The following HBP1 variants were observed in gnomAD, a reference collection of about 807,000 sequenced individuals.
HBP1 encodes the protein HMG-box transcription factor 1, also known as HMG box-containing protein 1.
A neutral mutation model predicts 62.6 loss-of-function variants in HBP1; 20 were observed. The observed-to-expected ratio is 0.32, with a 90% confidence interval of 0.22 to 0.46. The LOEUF (loss-of-function observed/expected upper bound fraction) is 0.46, where lower values mean the gene tolerates loss of function less well. Ranked by LOEUF, HBP1 falls within the 20% of genes least tolerant of loss-of-function variation. The pLI is 1.00. For synonymous variants in HBP1, 232 were observed against 206.2 expected (o/e 1.12, Z -1.07); for missense variants, 480 against 611.8 (o/e 0.78, Z 2.27).
intron 1 of HBP1, among the ~76,000 whole-genome samples, chr7:107,171,601 T>A (rs1407102404): frequency 6.6e-6 from 1 of 152,080 alleles, no homozygotes; most frequent in Non-Finnish European, 1.5e-5. Flanking sequence ...GCACGGTGTC[T>A]CACGCCTGTC....
At chr7:107,174,092 T>C (rs1337756936) in intron 1 of HBP1, among the ~76,000 whole-genome samples, 1 of 152,196 alleles carries the variant, frequency 6.6e-6, no homozygotes, top group African/African-American at 2.4e-5. Context: ...AAATTTCCAT[T>C]TGTATGTAGT....
At chr7:107,184,131 A>G (rs1329859480) in intron 3 of HBP1, among the ~76,000 whole-genome samples, 1 of 152,156 alleles carries the variant, frequency 6.6e-6, no homozygotes, top group Non-Finnish European at 1.5e-5. Context: ...TAAATGGTTA[A>G]ACAGAAGAAC....
intron 1 of HBP1, chr7:107,169,965 G>GAAACA (rs1345865561): frequency 1.2e-5 from 12 of 985,426 alleles, no homozygotes; most frequent in South Asian, 4.7e-5. Flanking sequence ...CAGGCCGATT[G>GAAACA]AAACAAAACA....
intron 8 of HBP1, among the ~76,000 whole-genome samples, chr7:107,193,551 T>G (rs1797751931): frequency 2.0e-5 from 3 of 152,232 alleles, no homozygotes; most frequent in African/African-American, 7.2e-5. Flanking sequence ...TACAGATAAG[T>G]AAACTGAGGC....
intron 10 of HBP1, chr7:107,200,923 A>AATT (rs1798230195): frequency 6.5e-6 from 1 of 153,032 alleles, no homozygotes; most frequent in African/African-American, 2.4e-5. Context: ...ATTGCAAAAA[A>AATT]ATTACATGTG....
chr7:107,173,431 T>C (rs1397805761), intron 1 of HBP1: 1 of 152,186 alleles, frequency 6.6e-6, no homozygotes, highest in African/African-American at 2.4e-5. Flanking sequence ...TGCTGGCTTA[T>C]ACCTTTTGTC....
At chr7:107,173,059 C>A (rs959144268) in intron 1 of HBP1, among the ~76,000 whole-genome samples, 5 of 152,138 alleles carry the variant, frequency 3.3e-5, no homozygotes, top group Admixed American at 2.6e-4. Context: ...GAGTTGTAGA[C>A]AAATACCTGT....
chr7:107,194,778 CAAG>C (rs1470484020), intron 8 of HBP1, among the ~76,000 whole-genome samples: 2 of 152,076 alleles, frequency 1.3e-5, no homozygotes, highest in African/African-American at 2.4e-5. Flanking sequence ...GGTTTCCTGC[CAAG>C]AAGATAGAAA....
chr7:107,190,231 A>C lies in HBP1; in HGVS notation c.981A>C (p.Glu327Asp), dbSNP rs1306515076. 6.8e-6 allele frequency: 11 copies of C among 1,611,486 alleles called. No individual in the cohort carries two copies. In the East Asian group the frequency reaches 2.5e-4, roughly 36 times the overall value. The change falls in exon 8 of 11, where the codon GAA becomes GAC. Residue 327 changes from glutamate to aspartate, a missense_variant. Glu to Asp is a conservative substitution (Grantham distance 45). This residue lies in a region of HBP1 where 58 missense variants were observed against 128.5 expected (regional missense o/e 0.45). Coordinates refer to ENST00000222574, the MANE Select transcript of HBP1 (RefSeq NM_012257.4). ...TVVQHGIPCC[E>D]VHIGDVCLPP... ...TACAGCATGGCATTCCATGTTGTGA[A>C]GTTCATATTGGCGATGTATGTCTAC...
In HBP1 at chr7:107,185,802, T is replaced by A. The variant is rs1325980472; in HGVS notation, c.400T>A (p.Ser134Thr). 1.2e-6 allele frequency: 2 copies of A among 1,611,006 alleles called. No homozygotes were observed. The highest frequency in any genetic ancestry group is 1.7e-6 in the Non-Finnish European group (2 of 1,177,788). Residue 134 changes from serine (S) to threonine (T), a missense_variant and splice_region_variant, in exon 4 of 11, where the codon TCA (serine) becomes ACA (threonine). Around this residue, in one of 4 missense-constraint regions of HBP1, gnomAD observed 304 missense variants for 330.9 expected, o/e 0.92. Transcript: ENST00000222574. ...PLMQCSFYNRSSPVHIIATSK... is the reference protein window; with the variant it reads ...PLMQCSFYNRTSPVHIIATSK... ...GTTGAAACTGTTGCTTTATTTTAGA[T>A]CATCTCCTGTACACATCATAGCCAC...
At chr7:107,174,155 T>C (rs2115788825) in intron 1 of HBP1, among the ~76,000 whole-genome samples, 1 of 152,294 alleles carries the variant, frequency 6.6e-6, no homozygotes, top group East Asian at 1.9e-4. Context: ...GTGAGGTAAG[T>C]AGAGGGACCG....
At chr7:107,199,687 G>C (rs1037416355) in intron 9 of HBP1, among the ~76,000 whole-genome samples, 1 of 152,196 alleles carries the variant, frequency 6.6e-6, no homozygotes, top group Non-Finnish European at 1.5e-5. Flanking sequence ...TCATAGCAGA[G>C]TAACAAACAG....
At chr7:107,199,579 T>C (rs1014044291) in intron 9 of HBP1, among the ~76,000 whole-genome samples, 2 of 152,206 alleles carry the variant, frequency 1.3e-5, no homozygotes, top group Admixed American at 6.5e-5. Flanking sequence ...CAGGACCTTA[T>C]GTTTTATATG....
At chr7:107,175,696 T>C (rs1056793045) in intron 1 of HBP1, among the ~76,000 whole-genome samples, 3 of 151,918 alleles carry the variant, frequency 2.0e-5, no homozygotes, top group East Asian at 1.9e-4. Flanking sequence ...GTTTCTCTCA[T>C]TGGGAGACCT....
intron 1 of HBP1, among the ~76,000 whole-genome samples, chr7:107,171,850 A>T (rs1584471050): frequency 7.1e-6 from 1 of 140,248 alleles, no homozygotes; most frequent in Admixed American, 7.6e-5. Flanking sequence ...TCAGAACGAG[A>T]CTTCCTCTCC....
intron 10 of HBP1, 110 bp from the exon 11 acceptor site, chr7:107,201,304 G>GT (rs1798276790): frequency 3.3e-6 from 2 of 605,680 alleles, no homozygotes; most frequent in South Asian, 5.2e-5. Flanking sequence ...TAAGAAAGCA[G>GT]TATTTTCTAA....
At chr7:107,177,090 A>G (rs150833970) in intron 1 of HBP1, among the ~76,000 whole-genome samples, 21 of 152,344 alleles carry the variant, frequency 1.4e-4, no homozygotes, top group Non-Finnish European at 2.2e-4. Context: ...GACCCAAAGT[A>G]TGTTTAATAT....
intron 1 of HBP1, among the ~76,000 whole-genome samples, chr7:107,179,180 CTTT>C (rs1379539341): frequency 5.3e-5 from 8 of 151,498 alleles, no homozygotes; most frequent in African/African-American, 1.9e-4. Context: ...TTTTTTTTAA[CTTT>C]TATTAAGGAA....
At chr7:107,170,471 G>A (rs1348899762) in intron 1 of HBP1, among the ~76,000 whole-genome samples, 1 of 151,974 alleles carries the variant, frequency 6.6e-6, no homozygotes, top group Non-Finnish European at 1.5e-5. Flanking sequence ...GTGTGGTAGA[G>A]TCGGTCATCT....
Sources: allele counts gnomAD v4.1 joint callset (sites outside exome capture counted in the v4.1 genomes callset), GRCh38; gene constraint gnomAD v4.1.1; regional missense constraint gnomAD v4.1.1; transcripts MANE v1.5; gene names NCBI Gene and HGNC (gene_info 2026-07-23, HGNC 2026-07-21).